WNT3: variants seen among roughly 807,000 people sequenced by gnomAD.
WNT3 encodes the protein Wnt family member 3.
A neutral mutation model predicts 34.2 loss-of-function variants in WNT3; 7 were observed. The observed-to-expected ratio is 0.20, with a 90% CI of 0.12 to 0.38. The LOEUF (loss-of-function observed/expected upper bound fraction) is 0.38, where lower values mean the gene tolerates loss of function less well. WNT3 is among the 10% of genes least tolerant of loss of function. The pLI, the probability that WNT3 is intolerant of heterozygous loss-of-function variation, is 1.00. For synonymous variants in WNT3, 212 were observed against 211.5 expected (o/e 1.00, Z -0.02); for missense variants, 267 against 499.8 (o/e 0.53, Z 4.44).
intron 4 of WNT3, among the ~76,000 whole-genome samples, chr17:46,765,672 T>C (rs1005810698): frequency 6.6e-6 from 1 of 152,236 alleles, no homozygotes. Flanking sequence ...CGGCCGAGCC[T>C]GGGCCCATTG....
intron 2 of WNT3, among the ~76,000 whole-genome samples, 157 bp downstream of exon 2, chr17:46,773,511 G>A (rs192312959): frequency 6.6e-6 from 1 of 152,156 alleles, no homozygotes; most frequent in East Asian, 1.9e-4. Flanking sequence ...CCCCAGCAGC[G>A]CCTGGGAAGG....
At chr17:46,815,301 T>C (rs2146472268) in intron 1 of WNT3, among the ~76,000 whole-genome samples, 1 of 152,264 alleles carries the variant, frequency 6.6e-6, no homozygotes, top group Admixed American at 6.5e-5. Context: ...GGAGAACATC[T>C]CTTCCTTCCA....
intron 1 of WNT3, among the ~76,000 whole-genome samples, chr17:46,808,442 G>C (rs901770691): frequency 6.6e-6 from 1 of 152,194 alleles, no homozygotes; most frequent in Non-Finnish European, 1.5e-5. Flanking sequence ...ATATGAACAA[G>C]CAAATTTTTA....
Position 46,768,349 on chromosome 17 carries a change from G to C in WNT3, c.1039C>G (p.Arg347Gly). 6.2e-7 allele frequency: 1 copy of C among 1,613,770 alleles called. No homozygotes were observed. Among genetic ancestry groups the C allele is most frequent in the Non-Finnish European group, 8.5e-7 (1 of 1,180,044 alleles). ...CCYVSCQECI[R>G]IYDVHTCK is the part of the protein sequence containing the mutation. Reference sequence around the variant, plus strand: ...TTGCAGGTGTGCACGTCGTAGATGCGAATACACTCCTGGCAGCTGACGTAG... The same window carrying C: ...TTGCAGGTGTGCACGTCGTAGATGCCAATACACTCCTGGCAGCTGACGTAG... Residue 347 changes from arginine to glycine, a missense_variant, in exon 4 of 5, where the codon CGC (arginine) becomes GGC (glycine). Arg to Gly is a moderately radical substitution (Grantham distance 125, BLOSUM62 -2). Around this residue, in one of 3 missense-constraint regions of WNT3, gnomAD observed 60 missense variants for 82.7 expected, o/e 0.73. Coordinates refer to ENST00000225512, the MANE Select transcript of WNT3 (RefSeq NM_030753.5). This position sits in a 1 kb window ranked among gnomAD's most constrained non-coding sequence, Gnocchi z 5.0.
At chr17:46,790,162 G>A (rs558753158) in intron 1 of WNT3, among the ~76,000 whole-genome samples, 1 of 152,230 alleles carries the variant, frequency 6.6e-6, no homozygotes, top group South Asian at 2.1e-4. Flanking sequence ...ATCAGTCCCT[G>A]CCACCCATTC....
chr17:46,793,859 G>A, intron 1 of WNT3, among the ~76,000 whole-genome samples: 1 of 152,186 alleles, frequency 6.6e-6, no homozygotes, highest in East Asian at 1.9e-4. Context: ...ATTGCCATCG[G>A]CCAGGAAGTG....
chr17:46,769,427 A>G (rs974384807), intron 3 of WNT3, among the ~76,000 whole-genome samples: 3 of 152,202 alleles, frequency 2.0e-5, no homozygotes, highest in Non-Finnish European at 4.4e-5. Flanking sequence ...TAGATCATAC[A>G]AGCATAGTAA....
chr17:46,794,159 A>T (rs2084023409), intron 1 of WNT3, among the ~76,000 whole-genome samples: 1 of 149,972 alleles, frequency 6.7e-6, no homozygotes, highest in African/African-American at 2.4e-5. Flanking sequence ...GACATAGAAC[A>T]GGGGTGGGGG....
At chr17:46,791,053 G>C (rs1301447692) in intron 1 of WNT3, among the ~76,000 whole-genome samples, 1 of 152,056 alleles carries the variant, frequency 6.6e-6, no homozygotes, top group Non-Finnish European at 1.5e-5. Flanking sequence ...GGGTGTATCT[G>C]TTTGTGAGTA....
chr17:46,788,790 G>T (rs2083941136), intron 1 of WNT3, among the ~76,000 whole-genome samples: 1 of 151,910 alleles, frequency 6.6e-6, no homozygotes, highest in Non-Finnish European at 1.5e-5. Context: ...GCCCTCAGCA[G>T]CCCCACTGAG....
At chr17:46,773,386 G>C (rs988064478) in intron 2 of WNT3, among the ~76,000 whole-genome samples, 1 of 152,020 alleles carries the variant, frequency 6.6e-6, no homozygotes, top group Non-Finnish European at 1.5e-5. Flanking sequence ...TGTCACAAAT[G>C]TCCACAGCAG....
intron 1 of WNT3, among the ~76,000 whole-genome samples, chr17:46,802,218 T>C (rs1179235068): frequency 2.6e-5 from 4 of 152,138 alleles, no homozygotes; most frequent in African/African-American, 9.7e-5. Flanking sequence ...AAGATTGAGG[T>C]TGGTTACCCC....
chr17:46,769,315 C>CAAAAAAA (rs60504646), intron 3 of WNT3, among the ~76,000 whole-genome samples: 5 of 102,852 alleles, frequency 4.9e-5, no homozygotes, highest in African/African-American at 1.8e-4. Flanking sequence ...GACTCCGTCT[C>CAAAAAAA]AAAAAAAAAA....
intron 1 of WNT3, among the ~76,000 whole-genome samples, chr17:46,793,341 A>C (rs16942003): frequency 0.021 from 3,200 of 150,182 alleles, 104 homozygotes; most frequent in African/African-American, 0.072. Flanking sequence ...TATAGAGAGC[A>C]TGTTCATGGA....
chr17:46,789,266 G>A (rs1390053899), intron 1 of WNT3, among the ~76,000 whole-genome samples: 2 of 152,154 alleles, frequency 1.3e-5, no homozygotes, highest in East Asian at 1.9e-4. Flanking sequence ...TACCTGGACT[G>A]TCCCATCCAC....
At chr17:46,796,548 A>C (rs2084056654) in intron 1 of WNT3, among the ~76,000 whole-genome samples, 1 of 152,186 alleles carries the variant, frequency 6.6e-6, no homozygotes, top group African/African-American at 2.4e-5. Context: ...TGGATGAGAG[A>C]TCCCATCTGT....
At chr17:46,806,254 C>G (rs753241392) in intron 1 of WNT3, among the ~76,000 whole-genome samples, 1 of 134,248 alleles carries the variant, frequency 7.4e-6, no homozygotes, top group East Asian at 2.2e-4. Context: ...TTTTATTGCC[C>G]AGGCTGGAGT....
At chr17:46,812,933 A>AT (rs1281652127) in intron 1 of WNT3, among the ~76,000 whole-genome samples, 6 of 152,132 alleles carry the variant, frequency 3.9e-5, no homozygotes, top group African/African-American at 1.4e-4. Flanking sequence ...CATTACACTC[A>AT]TTTTACAGAT....
At chr17:46,803,308 C>T (rs2084150408) in intron 1 of WNT3, among the ~76,000 whole-genome samples, 1 of 152,208 alleles carries the variant, frequency 6.6e-6, no homozygotes, top group African/African-American at 2.4e-5. Context: ...CCCAGACAGG[C>T]AGATCACCTG....
Sources: gnomAD v4.1 joint callset for allele counts (sites outside exome capture counted in the v4.1 genomes callset) on GRCh38, gnomAD v4.1.1 for gene constraint, gnomAD v4.1.1 regional missense constraint, Gnocchi (gnomAD v3.1) non-coding constraint, MANE v1.5 for transcripts, NCBI Gene and HGNC (gene_info 2026-07-23, HGNC 2026-07-21) for gene names.